PPP2R5C: variants seen among roughly 807,000 people sequenced by gnomAD.
The protein encoded by PPP2R5C is serine/threonine-protein phosphatase 2A 56 kDa regulatory subunit gamma isoform.
PPP2R5C carries 7 observed loss-of-function variants against 68.9 expected under a neutral mutation model. That is an observed-to-expected ratio of 0.10 (90% CI 0.06 to 0.19). The LOEUF (loss-of-function observed/expected upper bound fraction) is 0.19, where lower values mean the gene tolerates loss of function less well. Ranked by LOEUF, PPP2R5C falls within the 10% of genes least tolerant of loss-of-function variation. PPP2R5C has a pLI of 1.00. For missense variants in PPP2R5C, 348 were observed against 641.3 expected, an observed-to-expected ratio of 0.54 and a Z score of 4.94; for synonymous variants, 210 against 222.2, an observed-to-expected ratio of 0.95 and a Z score of 0.49.
intron 2 of PPP2R5C, 33 bp downstream of exon 2, chr14:101,763,003 A>T: frequency 6.6e-7 from 1 of 1,517,934 alleles, no homozygotes; most frequent in Non-Finnish European, 9.0e-7. Context: ...TTTGTATTTT[A>T]TACACAGCTT....
At position 101,877,513 on chromosome 14, in the gene PPP2R5C, G is replaced by A. The variant is rs912353068; in HGVS notation, c.295-4648G>A. 1.3e-5 allele frequency among the ~76,000 whole-genome samples: 2 copies of A among 152,112 alleles called. No homozygotes were observed. Among genetic ancestry groups the A allele is most frequent in the Non-Finnish European group, 2.9e-5 (2 of 68,014 alleles). ...GCTTCTTTGGTGTTCACTGCATAACGTTGATGTCTTCTCTGTTTCCTCAGA... is the reference window on the plus strand; with the variant it reads ...GCTTCTTTGGTGTTCACTGCATAACATTGATGTCTTCTCTGTTTCCTCAGA... On this transcript the variant is annotated intron_variant, in intron 2 of 13. Coordinates refer to ENST00000334743, the Ensembl canonical transcript of PPP2R5C. The surrounding 1 kb of genome is among the most constrained non-coding windows in gnomAD (Gnocchi z 4.2).
At chr14:101,897,924 G>A (rs2045448037) in intron 8 of PPP2R5C, among the ~76,000 whole-genome samples, 2 of 152,198 alleles carry the variant, frequency 1.3e-5, no homozygotes, top group African/African-American at 4.8e-5. Context: ...GGAGGCCAAG[G>A]CAGGAGGAGC....
At chr14:101,763,523 C>T (rs974639464) in intron 2 of PPP2R5C, among the ~76,000 whole-genome samples, 9 of 152,226 alleles carry the variant, frequency 5.9e-5, no homozygotes, top group Admixed American at 1.3e-4. Flanking sequence ...GCTGGGATTA[C>T]AGGCACCCGC....
intron 3 of PPP2R5C, among the ~76,000 whole-genome samples, chr14:101,791,595 G>C (rs1186194387): frequency 4.0e-5 from 6 of 151,742 alleles, no homozygotes; most frequent in African/African-American, 1.5e-4. Context: ...GTTATTCGTT[G>C]TAAATCTTCA....
chr14:101,786,828 C>T (rs1195224306), intron 3 of PPP2R5C, among the ~76,000 whole-genome samples: 3 of 151,836 alleles, frequency 2.0e-5, no homozygotes, highest in African/African-American at 4.8e-5. Context: ...GAGTAAGGAC[C>T]GTAAAGTCAA....
At position 101,899,832 on chromosome 14, in the gene PPP2R5C, C is replaced by T. The variant is rs372483143; in HGVS notation, c.853-1887C>T. ...TTTTAGAAATAATTCCTTTTAAAGACACTTGTATGGTAGATTTTTATGTCA... is the reference window on the plus strand; with the variant it reads ...TTTTAGAAATAATTCCTTTTAAAGATACTTGTATGGTAGATTTTTATGTCA... On this transcript the variant is annotated intron_variant, in intron 8 of 13. Transcript: ENST00000334743. The surrounding 1 kb of genome is among the most constrained non-coding windows in gnomAD (Gnocchi z 4.2). Among the ~76,000 whole-genome samples the T allele has an allele frequency of 7.2e-5, 11 of 152,096 alleles. No homozygotes were observed. Among genetic ancestry groups the T allele is most frequent in the Admixed American group, 4.6e-4 (7 of 15,270 alleles).
intron 1 of PPP2R5C, among the ~76,000 whole-genome samples, chr14:101,833,238 G>A (rs1048460832): frequency 1.8e-4 from 27 of 152,226 alleles, no homozygotes; most frequent in African/African-American, 6.5e-4. Context: ...TCCGCCCCTC[G>A]GCCAGCCGTG....
intron 3 of PPP2R5C, among the ~76,000 whole-genome samples, chr14:101,794,340 C>A (rs943424224): frequency 1.3e-5 from 2 of 152,214 alleles, no homozygotes; most frequent in Non-Finnish European, 2.9e-5. Context: ...GATATTACTG[C>A]AAACAGTTGG....
Position 101,781,772 on chromosome 14 carries a change from C to G in PPP2R5C, c.94-4246C>G, listed in dbSNP as rs1477813869. 6.6e-6 allele frequency among the ~76,000 whole-genome samples: 1 copy of G among 151,922 alleles called. No homozygotes were observed. Among genetic ancestry groups the G allele is most frequent in the Non-Finnish European group, 1.5e-5 (1 of 67,922 alleles). On this transcript the variant is annotated intron_variant, in intron 2 of 14. Coordinates refer to the PPP2R5C transcript ENST00000328724. This position sits in a 1 kb window ranked among gnomAD's most constrained non-coding sequence, Gnocchi z 6.4. ...GATCTGGCCTCCTGCGTTGCGCGCTCCAACCCTCTGCTTGGCCGCCCGCGA... is the reference window on the plus strand; with the variant it reads ...GATCTGGCCTCCTGCGTTGCGCGCTGCAACCCTCTGCTTGGCCGCCCGCGA...
rs1289298409 is a variant in PPP2R5C at position 101,909,791 on chromosome 14, A to C, written c.1253+101A>C. The stretch of plus-strand genomic sequence containing the variant: ...GTCCTAAAACGGTATTCTTCACTCG[A>C]AAGCAAAACCAAGCCTTTCATACTT... On this transcript the variant is annotated intron_variant, in intron 11 of 13. Coordinates refer to ENST00000334743, the Ensembl canonical transcript of PPP2R5C. The C allele has an allele frequency of 1.5e-5, 11 of 757,522 alleles. No individual in the cohort carries two copies. In the East Asian group the frequency reaches 3.1e-4, roughly 21 times the overall value. 46.9% of individuals were successfully genotyped at this position (757,522 alleles called of 1,614,324 possible).
At chr14:101,870,847 C>T (rs927355549) in intron 2 of PPP2R5C, among the ~76,000 whole-genome samples, 1 of 152,122 alleles carries the variant, frequency 6.6e-6, no homozygotes, top group Non-Finnish European at 1.5e-5. Flanking sequence ...TTCTTAGACT[C>T]GTAAATTAGT....
At chr14:101,863,348 G>A (rs993671436) in intron 2 of PPP2R5C, among the ~76,000 whole-genome samples, 7 of 151,520 alleles carry the variant, frequency 4.6e-5, no homozygotes, top group Non-Finnish European at 1.0e-4. Context: ...TTCCTGAGTT[G>A]GTCTTGAACT....
rs930482832 is a variant in PPP2R5C at position 101,899,232 on chromosome 14, C to T, written c.853-2487C>T. 6.6e-5 allele frequency among the ~76,000 whole-genome samples: 10 copies of T among 152,240 alleles called. No individual in the cohort carries two copies. The highest frequency in any genetic ancestry group is 2.4e-4 in the African/African-American group (10 of 41,468). ...CTGTGTTCCGTTTTCACCCACCTGC[C>T]TCTTCAGTCTCATCACATTTTACTA... is the stretch of plus-strand genomic sequence containing the variant. On this transcript the variant is annotated intron_variant, in intron 8 of 13. Coordinates refer to ENST00000334743, the Ensembl canonical transcript of PPP2R5C. The surrounding 1 kb of genome is among the most constrained non-coding windows in gnomAD (Gnocchi z 4.2).
At chr14:101,872,922 A>C (rs1366713651) in intron 2 of PPP2R5C, among the ~76,000 whole-genome samples, 6 of 148,950 alleles carry the variant, frequency 4.0e-5, no homozygotes, top group African/African-American at 1.5e-4. Flanking sequence ...TATTTCTCTT[A>C]ATTCTTTTTT....
intron 2 of PPP2R5C, among the ~76,000 whole-genome samples, chr14:101,776,362 A>G (rs1333097250): frequency 6.6e-6 from 1 of 152,156 alleles, no homozygotes; most frequent in Non-Finnish European, 1.5e-5. Context: ...GATGTTGCCC[A>G]AACCAGATCG....
At chr14:101,922,116 G>A (rs557093628) in intron 13 of PPP2R5C, 7 of 985,434 alleles carry the variant, frequency 7.1e-6, no homozygotes, top group Middle Eastern at 5.2e-4. Context: ...AAGAATTGAC[G>A]AGTTAACGTG....
At chr14:101,795,339 A>G (rs1313195880) in intron 3 of PPP2R5C, among the ~76,000 whole-genome samples, 7 of 152,316 alleles carry the variant, frequency 4.6e-5, no homozygotes, top group African/African-American at 1.7e-4. Flanking sequence ...TGCTGAGATC[A>G]TGTAAAAGTT....
chr14:101,837,189 G>A (rs1379337530), intron 1 of PPP2R5C, among the ~76,000 whole-genome samples: 1 of 152,194 alleles, frequency 6.6e-6, no homozygotes, highest in African/African-American at 2.4e-5. Context: ...TGTTGCCCAG[G>A]CTGGAGTGCA....
chr14:101,924,687 C>T (rs975698483), intron 13 of PPP2R5C, among the ~76,000 whole-genome samples: 17 of 151,834 alleles, frequency 1.1e-4, no homozygotes, highest in African/African-American at 3.9e-4. Flanking sequence ...GTGATCCGTC[C>T]GCCTCGGCCT....
Sources: gnomAD v4.1 joint callset for allele counts (sites outside exome capture counted in the v4.1 genomes callset) on GRCh38, gnomAD v4.1.1 for gene constraint, Gnocchi (gnomAD v3.1) non-coding constraint, MANE v1.5 for transcripts, NCBI Gene and HGNC (gene_info 2026-07-23, HGNC 2026-07-21) for gene names.